Variants in PARP3 observed in about 807,000 individuals in gnomAD.
The protein encoded by PARP3 is protein mono-ADP-ribosyltransferase PARP3.
Under a neutral mutation model 58.2 loss-of-function variants are expected in PARP3, and 46 were observed. The observed-to-expected ratio is 0.79, with a 90% CI of 0.62 to 1.01. PARP3 has a LOEUF of 1.01. Ranked by LOEUF, PARP3 falls within the 50% of genes least tolerant of loss-of-function variation. The probability of loss-of-function intolerance (pLI) is 0.00; values close to 1 mark genes in which losing one functional copy is unlikely to be tolerated. For synonymous variants in PARP3, 252 were observed against 266.4 expected, an observed-to-expected ratio of 0.95 and a Z score of 0.53; for missense variants, 663 against 683.9, an observed-to-expected ratio of 0.97 and a Z score of 0.34.
At position 51,944,073 on chromosome 3, in the gene PARP3, C is replaced by T; in HGVS notation, c.184-16C>T. On this transcript the variant is annotated splice_polypyrimidine_tract_variant and intron_variant, in intron 2 of 10. Transcript: ENST00000398755. The surrounding 1 kb of genome is among the most constrained non-coding windows in gnomAD (Gnocchi z 4.2). ...TGACCCCAGCCAGCCTGCCCCCCACCTCCCCTCTGGCCCAGGTGTATGAGG... is the reference window on the plus strand; with the variant it reads ...TGACCCCAGCCAGCCTGCCCCCCACTTCCCCTCTGGCCCAGGTGTATGAGG... 6.2e-7 allele frequency: 1 copy of T among 1,612,206 alleles called. No individual in the cohort carries two copies. Among genetic ancestry groups the T allele is most frequent in the Non-Finnish European group, 8.5e-7 (1 of 1,179,172 alleles).
chr3:51,945,135 T>C lies in PARP3; in HGVS notation c.772T>C (p.Tyr258His). Reference sequence around the variant, plus strand: ...CCTGGAGGAGCTGTCCTCACACTTTTACACCGTCATCCCGCACAACTTCGG... The same window carrying C: ...CCTGGAGGAGCTGTCCTCACACTTTCACACCGTCATCCCGCACAACTTCGG... ...QSLEELSSHF[Y>H]TVIPHNFGHS... The change falls in exon 6 of 11, where the codon TAC becomes CAC. Residue 258 changes from tyrosine to histidine, a missense_variant. This residue lies in a region of PARP3 where 567 missense variants were observed against 553.6 expected (regional missense o/e 1.02). Coordinates refer to ENST00000398755, the MANE Select transcript of PARP3 (RefSeq NM_001003931.4). 6.2e-7 allele frequency: 1 copy of C among 1,614,092 alleles called. No individual in the cohort carries two copies. The highest frequency in any genetic ancestry group is 8.5e-7 in the Non-Finnish European group (1 of 1,180,044).
chr3:51,946,016 CA>C lies in PARP3; in HGVS notation c.1098+80del. Reference sequence around the variant, plus strand: ...TGTCCTTGGCTAATCGGTCCCTTAGCAAATCGTTTAGCAGCTCTGGTCAGTT... The same window carrying C: ...TGTCCTTGGCTAATCGGTCCCTTAGCAATCGTTTAGCAGCTCTGGTCAGTT... On this transcript the variant is annotated intron_variant, in intron 8 of 10. Transcript: ENST00000398755. The surrounding 1 kb of genome is among the most constrained non-coding windows in gnomAD (Gnocchi z 4.6). 2.1e-6 allele frequency: 3 copies of C among 1,429,194 alleles called. No individual in the cohort carries two copies. Among genetic ancestry groups the C allele is most frequent in the Non-Finnish European group, 2.9e-6 (3 of 1,018,022 alleles). 88.5% of individuals were successfully genotyped at this position (1,429,194 alleles called of 1,614,324 possible).
rs1428258902 is a variant in PARP3, at chr3:51,947,847, C to G, written c.1384C>G (p.Pro462Ala). 1 of 1,614,092 alleles carries G rather than the reference C, an allele frequency of 6.2e-7. No homozygotes were observed. Among genetic ancestry groups the G allele is most frequent in the African/African-American group, 1.3e-5 (1 of 75,002 alleles). The change falls in exon 10 of 11, where the codon CCA becomes GCA. Residue 462 changes from proline (P) to alanine (A), a missense_variant. Transcript: ENST00000398755. ...CACGGACAACCCCAGCTTGAAGAGCCCACCTCCTGGCTTCGACAGTGTCAT... is the reference window on the plus strand; with the variant it reads ...CACGGACAACCCCAGCTTGAAGAGCGCACCTCCTGGCTTCGACAGTGTCAT... ...INTDNPSLKSPPPGFDSVIAR... is the reference protein window; with the variant it reads ...INTDNPSLKSAPPGFDSVIAR...
In PARP3 at chr3:51,946,779, T is replaced by C. The variant is rs1432435676; in HGVS notation, c.1276+436T>C. ...AAATAAAAATAAAAAAGAGGAGACG[T>C]CAAGGCAAGGGGATAGGCAGAGAGG... On this transcript the variant is annotated intron_variant, in intron 9 of 10. Coordinates refer to ENST00000398755, the MANE Select transcript of PARP3 (RefSeq NM_001003931.4). This position sits in a 1 kb window ranked among gnomAD's most constrained non-coding sequence, Gnocchi z 4.6. Among the ~76,000 whole-genome samples the C allele has an allele frequency of 2.6e-5, 4 of 152,060 alleles. No individual in the cohort carries two copies. The highest frequency in any genetic ancestry group is 4.4e-5 in the Non-Finnish European group (3 of 68,012).
rs369290254 is a variant in PARP3 at position 51,946,114 on chromosome 3, G to A, written c.1099-52G>A. The stretch of plus-strand genomic sequence containing the variant: ...TTGGTCACAAGCAGCAGGGCAAGGC[G>A]ACTGAGTGCTCGGGTGGCATCACTC... On this transcript the variant is annotated intron_variant, in intron 8 of 10. Coordinates refer to ENST00000398755, the MANE Select transcript of PARP3 (RefSeq NM_001003931.4). This position sits in a 1 kb window ranked among gnomAD's most constrained non-coding sequence, Gnocchi z 4.6. 26 of 1,520,508 alleles carry A rather than the reference G, an allele frequency of 1.7e-5. No individual in the cohort carries two copies. Among genetic ancestry groups the A allele is most frequent in the South Asian group, 6.2e-5 (5 of 81,220 alleles). The allele number at this position is 1,520,508 out of a possible 1,614,324, so 94.2% of individuals were successfully genotyped here. A position where few individuals can be genotyped will look rare whatever the true frequency, so the allele number is the denominator to read the frequency against.
At position 51,944,191 on chromosome 3, in the gene PARP3, A is replaced by T. The variant is rs764966907; in HGVS notation, c.286A>T (p.Thr96Ser). The change falls in exon 3 of 11, where the codon ACC becomes TCC. Residue 96 changes from threonine to serine, a missense_variant. Thr to Ser is a moderately conservative substitution (Grantham distance 58, BLOSUM62 1). Coordinates refer to ENST00000398755, the MANE Select transcript of PARP3 (RefSeq NM_001003931.4). This position sits in a 1 kb window ranked among gnomAD's most constrained non-coding sequence, Gnocchi z 4.2. ...QLLQDSNRFF[T>S]CWNRWGRVGE... ...GCTCCAAGACAGCAACCGCTTCTTC[A>T]CCTGCTGGAACCGCTGGGGCCGTGT... 6.2e-7 allele frequency: 1 copy of T among 1,613,748 alleles called. No individual in the cohort carries two copies. The highest frequency in any genetic ancestry group is 8.5e-7 in the Non-Finnish European group (1 of 1,179,942).
At chr3:51,943,825 G>A (rs988195635) in intron 2 of PARP3, among the ~76,000 whole-genome samples, 1 of 152,066 alleles carries the variant, frequency 6.6e-6, no homozygotes, top group Non-Finnish European at 1.5e-5. Context: ...CCTCAGGGCA[G>A]AGCCATGTCC....
rs1177939217 is a variant in PARP3 at position 51,942,531 on chromosome 3, GC to G, written c.-178del. The G allele has an allele frequency of 1.7e-5, 12 of 706,760 alleles. No homozygotes were observed. Among genetic ancestry groups the G allele is most frequent in the Non-Finnish European group, 2.6e-5 (10 of 380,870 alleles). 43.8% of individuals were successfully genotyped at this position (706,760 alleles called of 1,614,324 possible). A position where few individuals can be genotyped will look rare whatever the true frequency, so the allele number is the denominator to read the frequency against. The stretch of plus-strand genomic sequence containing the variant: ...GCTTCACCCCACTGGTGGCCAAATA[GC>G]CGATGTCTAATCCCCCACACAAGCT... On this transcript the variant is annotated 5_prime_UTR_variant, in exon 1 of 11. Transcript: ENST00000398755.
chr3:51,943,404 A>G lies in PARP3; in HGVS notation c.49A>G (p.Lys17Glu). The G allele has an allele frequency of 6.2e-7, 1 of 1,603,370 alleles. No individual in the cohort carries two copies. Among genetic ancestry groups the G allele is most frequent in the Non-Finnish European group, 8.5e-7 (1 of 1,175,840 alleles). The change falls in exon 2 of 11, where the codon AAG becomes GAG. Residue 17 changes from lysine (K) to glutamate (E), a missense_variant. By Grantham distance (56) the Lys-to-Glu change is moderately conservative. Coordinates refer to ENST00000398755, the MANE Select transcript of PARP3 (RefSeq NM_001003931.4). ...PWVQTEGPEKKKGRQAGREED... is the reference protein window; with the variant it reads ...PWVQTEGPEKEKGRQAGREED... ...GGTACAGACTGAGGGCCCTGAGAAG[A>G]AGAAGGGCCGGCAGGCAGGAAGGGA... is the stretch of plus-strand genomic sequence containing the variant.
intron 9 of PARP3, among the ~76,000 whole-genome samples, chr3:51,947,436 T>C (rs775679679): frequency 2.0e-5 from 3 of 152,008 alleles, no homozygotes; most frequent in African/African-American, 4.8e-5. Context: ...TAGGGGCTGA[T>C]GATGTCAGGA....
At position 51,947,741 on chromosome 3, in the gene PARP3, T is replaced by A. The variant is rs1485972321; in HGVS notation, c.1278T>A (p.Val426=). 1 of 1,614,098 alleles carries A rather than the reference T, an allele frequency of 6.2e-7. No homozygotes were observed. Among genetic ancestry groups the A allele is most frequent in the East Asian group, 2.2e-5 (1 of 44,868 alleles). Residue 426 remains valine (V), a splice_region_variant and synonymous_variant, in exon 10 of 11, where the codon GTT becomes GTA. Transcript: ENST00000398755. ...CCGGTGCCTCCCTGTGTCTTGCAGT[T>A]ATTGGCATGAAGTGTGGGGCCCACC... is the stretch of plus-strand genomic sequence containing the variant. The part of the protein sequence containing the change: ...ASENSKSAGY[V]IGMKCGAHHV...
chr3:51,945,461 T>A (rs764044119), intron 6 of PARP3, 34 bp from the exon 7 acceptor site: 22 of 1,606,050 alleles, frequency 1.4e-5, no homozygotes, highest in Non-Finnish European at 1.6e-5. Context: ...AGAGGTCAAG[T>A]GGGAAGACAA....
chr3:51,943,624 G>C lies in PARP3; in HGVS notation c.183+86G>C, dbSNP rs1287071746. On this transcript the variant is annotated intron_variant, in intron 2 of 10. Transcript: ENST00000398755. ...GGCCACCCCCTTAGGACTCTGTTCT[G>C]GTTTTGGAGCCCAAGGCCCCCAGGT... is the stretch of plus-strand genomic sequence containing the variant. 13 of 1,316,622 alleles carry C rather than the reference G, an allele frequency of 9.9e-6. No individual in the cohort carries two copies. In the East Asian group the frequency reaches 3.3e-4, roughly 33 times the overall value. The allele number at this position is 1,316,622 out of a possible 1,614,324, so 81.6% of individuals were successfully genotyped here.
Position 51,944,687 on chromosome 3 carries a change from A to G in PARP3, c.502-91A>G. Reference sequence around the variant, plus strand: ...TGCCCAGCTGCGCAGCCTCAGCCACAGAACTCCCCTCTGGCCTCAGGCTGG... The same window carrying G: ...TGCCCAGCTGCGCAGCCTCAGCCACGGAACTCCCCTCTGGCCTCAGGCTGG... On this transcript the variant is annotated intron_variant, in intron 4 of 10. Coordinates refer to ENST00000398755, the MANE Select transcript of PARP3 (RefSeq NM_001003931.4). The surrounding 1 kb of genome is among the most constrained non-coding windows in gnomAD (Gnocchi z 4.2). 6.4e-7 allele frequency: 1 copy of G among 1,573,226 alleles called. No homozygotes were observed. Among genetic ancestry groups the G allele is most frequent in the African/African-American group, 1.3e-5 (1 of 74,088 alleles).
At chr3:51,947,701 A>G (rs747575267) in intron 9 of PARP3, 39 bp from the exon 10 acceptor site, 37 of 1,611,288 alleles carry the variant, frequency 2.3e-5, no homozygotes, top group Non-Finnish European at 2.8e-5. Flanking sequence ...AGCAGGAGGC[A>G]GGCTGAGCTG....
chr3:51,942,983 G>A (rs1254210260), intron 1 of PARP3: 1 of 1,405,100 alleles, frequency 7.1e-7, no homozygotes. Flanking sequence ...GACACAGGGG[G>A]AGGAGCCCCG....
rs373700583 is a variant in PARP3, at chr3:51,946,006, G to A, written c.1098+67G>A. On this transcript the variant is annotated intron_variant, in intron 8 of 10. Coordinates refer to ENST00000398755, the MANE Select transcript of PARP3 (RefSeq NM_001003931.4). This position sits in a 1 kb window ranked among gnomAD's most constrained non-coding sequence, Gnocchi z 4.6. The stretch of plus-strand genomic sequence containing the variant: ...CTTAGGAAGATGTCCTTGGCTAATC[G>A]GTCCCTTAGCAAATCGTTTAGCAGC... 16 of 1,465,856 alleles carry A rather than the reference G, an allele frequency of 1.1e-5. No individual in the cohort carries two copies. The East Asian group carries it at 2.3e-4, about 21-fold the overall frequency. The allele number at this position is 1,465,856 out of a possible 1,614,324, so 90.8% of individuals were successfully genotyped here. A position where few individuals can be genotyped will look rare whatever the true frequency, so the allele number is the denominator to read the frequency against.
rs1446602812 is a variant in PARP3, at chr3:51,946,124, T to C, written c.1099-42T>C. The C allele has an allele frequency of 6.5e-7, 1 of 1,544,646 alleles. No individual in the cohort carries two copies. The highest frequency in any genetic ancestry group is 1.8e-5 in the Admixed American group (1 of 56,838). ...GCAGCAGGGCAAGGCGACTGAGTGC[T>C]CGGGTGGCATCACTCCCATTTCTCA... On this transcript the variant is annotated intron_variant, in intron 8 of 10. Transcript: ENST00000398755. The surrounding 1 kb of genome is among the most constrained non-coding windows in gnomAD (Gnocchi z 4.6).
chr3:51,945,176 GC>G lies in PARP3; in HGVS notation c.816del (p.Ile273SerfsTer57). On this transcript the variant is annotated frameshift_variant, in exon 6 of 11. Coordinates refer to ENST00000398755, the MANE Select transcript of PARP3 (RefSeq NM_001003931.4). LOFTEE classifies it high-confidence loss of function. Reference sequence around the variant, plus strand: ...ACAACTTCGGCCACAGCCAGCCCCCGCCCATCAATTCCCCTGAGCTTCTGCA... The same window carrying G: ...ACAACTTCGGCCACAGCCAGCCCCCGCCATCAATTCCCCTGAGCTTCTGCA... Reference protein sequence around the residue: ...PHNFGHSQPPPINSPELLQAK... With the variant: ...PHNFGHSQPPXINSPELLQAK... 3 of 1,613,982 alleles carry G rather than the reference GC, an allele frequency of 1.9e-6. No individual in the cohort carries two copies. Among genetic ancestry groups the G allele is most frequent in the Non-Finnish European group, 2.5e-6 (3 of 1,180,020 alleles).
Sources: gnomAD v4.1 joint callset for allele counts (sites outside exome capture counted in the v4.1 genomes callset) on GRCh38, gnomAD v4.1.1 for gene constraint, gnomAD v4.1.1 regional missense constraint, Gnocchi (gnomAD v3.1) non-coding constraint, MANE v1.5 for transcripts, NCBI Gene and HGNC (gene_info 2026-07-23, HGNC 2026-07-21) for gene names.